SRRM4: variants seen among roughly 807,000 people sequenced by gnomAD.
SRRM4 encodes serine/arginine repetitive matrix protein 4.
A neutral mutation model predicts 68.9 loss-of-function variants in SRRM4; 33 were observed. That is an observed-to-expected ratio of 0.48 (90% CI 0.36 to 0.64). The LOEUF is 0.64. SRRM4 is among the 30% of genes least tolerant of loss of function. The pLI is 0.00. For synonymous variants in SRRM4, 318 were observed against 318.8 expected (o/e 1.00, Z 0.03); for missense variants, 817 against 827.1 (o/e 0.99, Z 0.15).
At chr12:119,090,047 T>C (rs1954004511) in intron 1 of SRRM4, among the ~76,000 whole-genome samples, 2 of 152,086 alleles carry the variant, frequency 1.3e-5, no homozygotes, top group Non-Finnish European at 2.9e-5. Flanking sequence ...CTCCAGTTAA[T>C]ACAATCCAGT....
chr12:119,011,157 C>T (rs1363432724), intron 1 of SRRM4, among the ~76,000 whole-genome samples: 1 of 152,088 alleles, frequency 6.6e-6, no homozygotes, highest in African/African-American at 2.4e-5. Flanking sequence ...CATTCACAAG[C>T]TTTCCTCCTG....
intron 1 of SRRM4, among the ~76,000 whole-genome samples, chr12:119,018,838 C>T (rs1953497380): frequency 6.6e-6 from 1 of 151,832 alleles, no homozygotes; most frequent in Admixed American, 6.6e-5. Context: ...AGTAGGGTAC[C>T]CCTACTGTCA....
At chr12:119,103,735 G>A (rs1954090493) in intron 2 of SRRM4, among the ~76,000 whole-genome samples, 1 of 152,216 alleles carries the variant, frequency 6.6e-6, no homozygotes, top group South Asian at 2.1e-4. Flanking sequence ...AGGCATGCTG[G>A]CTCACGCCTG....
intron 1 of SRRM4, among the ~76,000 whole-genome samples, chr12:119,075,388 GAT>G (rs1427190911): frequency 5.1e-5 from 4 of 77,930 alleles, no homozygotes; most frequent in South Asian, 8.5e-4. Flanking sequence ...TGATGGTGAG[GAT>G]GATGATGATG....
At chr12:119,153,873 A>G (rs1229608267) in intron 11 of SRRM4, among the ~76,000 whole-genome samples, 1 of 151,936 alleles carries the variant, frequency 6.6e-6, no homozygotes, top group African/African-American at 2.4e-5. Context: ...GACATACCCC[A>G]GAATTCACAT....
chr12:119,156,730 C>CGGAGCCGGAGCA lies in SRRM4; in HGVS notation c.1775_1786dup (p.Arg592_Ser595dup). 1.3e-6 allele frequency: 2 copies of CGGAGCCGGAGCA among 1,546,944 alleles called. No individual in the cohort carries two copies. Among genetic ancestry groups the CGGAGCCGGAGCA allele is most frequent in the Non-Finnish European group, 1.7e-6 (2 of 1,146,432 alleles). Reference sequence around the variant, plus strand: ...CCGGAGCCGGAGCAGGAGCCGGAGCCGGAGCCGGAGCAGGAGCCAGAGCCG... The same window carrying CGGAGCCGGAGCA: ...CCGGAGCCGGAGCAGGAGCCGGAGCCGGAGCCGGAGCAGGAGCCGGAGCAGGAGCCAGAGCCG... On this transcript the variant is annotated inframe_insertion, in exon 13 of 13. Coordinates refer to ENST00000267260, the MANE Select transcript of SRRM4 (RefSeq NM_194286.4).
At chr12:119,094,619 T>A (rs1954032083) in intron 1 of SRRM4, among the ~76,000 whole-genome samples, 1 of 152,224 alleles carries the variant, frequency 6.6e-6, no homozygotes, top group African/African-American at 2.4e-5. Context: ...CTCTTCCTCC[T>A]TTTTGTTCCA....
intron 6 of SRRM4, 138 bp from the exon 7 acceptor site, chr12:119,125,243 T>C: frequency 1.4e-6 from 1 of 727,544 alleles, no homozygotes; most frequent in South Asian, 1.8e-5. Context: ...ACGCATGGGG[T>C]TGAGGGAGAT....
chr12:119,117,596 G>GCACACACACACA (rs71451816), intron 4 of SRRM4, among the ~76,000 whole-genome samples: 5,603 of 150,364 alleles, frequency 0.037, 117 homozygotes, highest in Non-Finnish European at 0.045. Context: ...TGTTCACTGT[G>GCACACACACACA]CACACACACA....
At position 119,079,528 on chromosome 12, in the gene SRRM4, T is replaced by C. The variant is rs561474516; in HGVS notation, c.132-22708T>C. Among the ~76,000 whole-genome samples the C allele has an allele frequency of 2.0e-5, 3 of 152,296 alleles. No individual in the cohort carries two copies. The South Asian group carries it at 6.2e-4, about 32-fold the overall frequency. ...GAGGCATTTGGTCTCTGATTGCTGG[T>C]GATCTTCCCCAGCCTCGTGTGTTTG... On this transcript the variant is annotated intron_variant, in intron 1 of 12. Transcript: ENST00000267260.
intron 1 of SRRM4, among the ~76,000 whole-genome samples, chr12:119,088,362 CG>C (rs1953992372): frequency 6.6e-6 from 1 of 152,098 alleles, no homozygotes; most frequent in South Asian, 2.1e-4. Context: ...CCCCCCTCAA[CG>C]GTGATTGGGA....
intron 1 of SRRM4, among the ~76,000 whole-genome samples, chr12:119,056,242 C>A (rs1032607209): frequency 6.6e-6 from 1 of 152,216 alleles, no homozygotes; most frequent in Admixed American, 6.5e-5. Context: ...GACCACAGTG[C>A]CTCGTGCAGC....
At chr12:119,093,656 C>T (rs971780122) in intron 1 of SRRM4, among the ~76,000 whole-genome samples, 7 of 152,186 alleles carry the variant, frequency 4.6e-5, no homozygotes, top group African/African-American at 7.2e-5. Flanking sequence ...GGTGACACAA[C>T]TTAGCAGAAT....
intron 1 of SRRM4, among the ~76,000 whole-genome samples, chr12:119,094,331 A>G (rs987172402): frequency 1.3e-5 from 2 of 152,092 alleles, no homozygotes; most frequent in Admixed American, 6.5e-5. Flanking sequence ...CAACAGCCTC[A>G]CCTGGGAATT....
intron 5 of SRRM4, 81 bp from the exon 6 acceptor site, chr12:119,121,987 ACT>A: frequency 1.1e-6 from 1 of 891,232 alleles, no homozygotes; most frequent in East Asian, 2.4e-5. Flanking sequence ...TGGATCTCAC[ACT>A]GTGTGTTAAG....
chr12:119,134,496 A>C (rs1954316747), intron 8 of SRRM4, among the ~76,000 whole-genome samples: 1 of 152,154 alleles, frequency 6.6e-6, no homozygotes. Context: ...TTTTGTAATC[A>C]GGGCTGGGAT....
chr12:119,130,856 C>T (rs765538863), intron 8 of SRRM4, 22 bp downstream of exon 8: 1 of 1,596,218 alleles, frequency 6.3e-7, no homozygotes, highest in Admixed American at 1.7e-5. Flanking sequence ...TCACAGCCTC[C>T]TCTGCCAGCC....
chr12:119,115,704 T>C (rs1954175222), intron 3 of SRRM4, among the ~76,000 whole-genome samples: 1 of 152,154 alleles, frequency 6.6e-6, no homozygotes, highest in Admixed American at 6.5e-5. Context: ...GGCCAGAGAA[T>C]ACTCTAAAAA....
Position 119,161,528 on chromosome 12 carries a change from C to A in SRRM4, c.*4730C>A, listed in dbSNP as rs140151742. 35 of 152,150 alleles carry A rather than the reference C, an allele frequency of 2.3e-4. No homozygotes were observed. In the East Asian group the frequency reaches 6.0e-3, roughly 26 times the overall value. The allele number at this position is 152,150 out of a possible 1,614,324, so 9.4% of individuals were successfully genotyped here. On this transcript the variant is annotated 3_prime_UTR_variant, in exon 13 of 13. Coordinates refer to ENST00000267260, the MANE Select transcript of SRRM4 (RefSeq NM_194286.4). ...TGGCTGTTGTTTTGCATTGTAAATACCATGATGGGGGACCCCCATCAGAAC... is the reference window on the plus strand; with the variant it reads ...TGGCTGTTGTTTTGCATTGTAAATAACATGATGGGGGACCCCCATCAGAAC...
Sources: gnomAD v4.1 joint callset for allele counts (sites outside exome capture counted in the v4.1 genomes callset) on GRCh38, gnomAD v4.1.1 for gene constraint, MANE v1.5 for transcripts, NCBI Gene and HGNC (gene_info 2026-07-23, HGNC 2026-07-21) for gene names.